DNAAF9: variants seen among roughly 807,000 people sequenced by gnomAD.
DNAAF9 encodes the protein dynein axonemal assembly factor 9, also known as shulin.
DNAAF9 carries 90 observed loss-of-function variants against 167.0 expected under a neutral mutation model. That is an observed-to-expected ratio of 0.54 (90% confidence interval 0.45 to 0.64). DNAAF9 has a LOEUF of 0.64. DNAAF9 is among the 30% of genes least tolerant of loss of function. The probability of loss-of-function intolerance (pLI) is 0.00; values close to 1 mark genes in which losing one functional copy is unlikely to be tolerated. For synonymous variants in DNAAF9, 491 were observed against 508.8 expected (o/e 0.96, Z 0.47); for missense variants, 1,315 against 1,442.2 (o/e 0.91, Z 1.43).
At chr20:3,314,132 G>A (rs2069460963) in intron 20 of DNAAF9, among the ~76,000 whole-genome samples, 1 of 152,176 alleles carries the variant, frequency 6.6e-6, no homozygotes, top group Non-Finnish European at 1.5e-5. Context: ...AGAGAACTAT[G>A]TTCAGGAGCT....
intron 36 of DNAAF9, 120 bp downstream of exon 36, chr20:3,253,606 C>G: frequency 1.4e-6 from 1 of 691,280 alleles, no homozygotes; most frequent in South Asian, 1.7e-5. Flanking sequence ...AGTGGACATG[C>G]AGAGTGCTCC....
intron 7 of DNAAF9, among the ~76,000 whole-genome samples, chr20:3,350,156 G>GACACACACACACACACACACAC (rs35251429): frequency 3.8e-4 from 34 of 89,952 alleles, no homozygotes; most frequent in Middle Eastern, 5.7e-3. Context: ...CAGACACACA[G>GACACACACACACACACACACAC]ACACACACAC....
rs199864301 is a variant in DNAAF9 at position 3,375,087 on chromosome 20, T to C, written c.448A>G (p.Ser150Gly). The C allele has an allele frequency of 1.6e-4, 252 of 1,612,348 alleles. No individual in the cohort carries two copies. The highest frequency in any genetic ancestry group is 2.0e-4 in the Non-Finnish European group (239 of 1,178,530). Residue 150 changes from serine to glycine, a missense_variant, in exon 5 of 37, where the codon AGC becomes GGC. Physicochemically the swap from Ser to Gly is moderately conservative, Grantham distance 56. Transcript: ENST00000252032. ...EEAAEEFKITSFVDMVRDCSR... is the reference protein window; with the variant it reads ...EEAAEEFKITGFVDMVRDCSR... Reference sequence around the variant, plus strand: ...CAGTCTCGAACCATGTCCACAAAGCTGGTAATTTTAAATTCTTCTGCGGCT... The same window carrying C: ...CAGTCTCGAACCATGTCCACAAAGCCGGTAATTTTAAATTCTTCTGCGGCT...
chr20:3,369,557 G>A (rs1251102588), intron 6 of DNAAF9, among the ~76,000 whole-genome samples: 2 of 151,866 alleles, frequency 1.3e-5, no homozygotes, highest in African/African-American at 2.4e-5. Context: ...TCTATTTTTA[G>A]TAGAGACGGG....
intron 13 of DNAAF9, among the ~76,000 whole-genome samples, chr20:3,325,883 GTT>G (rs11297064): frequency 3.6e-4 from 53 of 147,708 alleles, no homozygotes; most frequent in Middle Eastern, 3.5e-3. Context: ...TGTCTTTTTG[GTT>G]TTTTTTTTTT....
At chr20:3,259,894 T>C in intron 32 of DNAAF9, 28 bp downstream of exon 32, 1 of 1,295,326 alleles carries the variant, frequency 7.7e-7, no homozygotes, top group Non-Finnish European at 1.1e-6. Context: ...CTTTTTCCAG[T>C]GTCTAGGACA....
chr20:3,274,186 A>C lies in DNAAF9; in HGVS notation c.2651-3624T>G, dbSNP rs149767540. The stretch of plus-strand genomic sequence containing the variant: ...GAGACAGAGTCTCACTGGGTCACCC[A>C]GGCTGCAGTGTAGTGGTGTGATCTC... On this transcript the variant is annotated intron_variant, in intron 29 of 36. Coordinates refer to ENST00000252032, the MANE Select transcript of DNAAF9 (RefSeq NM_001009984.3). 8.9e-3 allele frequency among the ~76,000 whole-genome samples: 1,363 copies of C among 152,292 alleles called. 20 individuals are homozygous for C. The highest frequency in any genetic ancestry group is 0.031 in the African/African-American group (1,309 of 41,580).
Position 3,375,102 on chromosome 20 carries a change from C to A in DNAAF9, c.433G>T (p.Glu145Ter). 6.2e-7 allele frequency: 1 copy of A among 1,608,636 alleles called. No homozygotes were observed. Among genetic ancestry groups the A allele is most frequent in the Non-Finnish European group, 8.5e-7 (1 of 1,175,122 alleles). The change falls in exon 5 of 37, where the codon GAA becomes TAA. Residue 145 changes from glutamate to a stop codon, truncating the protein, a stop_gained. Coordinates refer to ENST00000252032, the MANE Select transcript of DNAAF9 (RefSeq NM_001009984.3). LOFTEE classifies it high-confidence loss of function. Reference protein sequence around the residue: ...NEYEDEEAAEEFKITSFVDMV... With the variant: ...NEYEDEEAAE ...TCCACAAAGCTGGTAATTTTAAATT[C>A]TTCTGCGGCTTCTTCATCTTCATAC...
intron 13 of DNAAF9, 84 bp from the exon 14 acceptor site, chr20:3,325,052 T>G: frequency 1.2e-6 from 1 of 804,718 alleles, no homozygotes. Flanking sequence ...CTCCTAACAC[T>G]TGTCCAGGAT....
chr20:3,359,066 G>T (rs1568626330), intron 7 of DNAAF9, among the ~76,000 whole-genome samples: 1 of 152,182 alleles, frequency 6.6e-6, no homozygotes, highest in African/African-American at 2.4e-5. Context: ...AGTTGCCACT[G>T]AGACCATAAG....
At chr20:3,259,776 C>T (rs1269037894) in intron 32 of DNAAF9, 146 bp downstream of exon 32, 3 of 672,976 alleles carry the variant, frequency 4.5e-6, no homozygotes, top group South Asian at 1.8e-5. Context: ...TGTGACCACC[C>T]ACAATCCTCA....
chr20:3,259,434 C>A, intron 33 of DNAAF9, 46 bp downstream of exon 33: 1 of 1,178,260 alleles, frequency 8.5e-7, no homozygotes, highest in South Asian at 1.2e-5. Flanking sequence ...TCATGAGATG[C>A]AAGCACTCCA....
chr20:3,282,240 T>C (rs2068775927), intron 27 of DNAAF9, among the ~76,000 whole-genome samples: 1 of 152,204 alleles, frequency 6.6e-6, no homozygotes, highest in South Asian at 2.1e-4. Context: ...TGGTATCTCC[T>C]GCCTGGAACT....
At chr20:3,350,853 C>T (rs1161627200) in intron 7 of DNAAF9, among the ~76,000 whole-genome samples, 1 of 152,006 alleles carries the variant, frequency 6.6e-6, no homozygotes, top group African/African-American at 2.4e-5. Context: ...ATAAACACAT[C>T]AAATATGTTT....
rs6139088 is a variant in DNAAF9, at chr20:3,348,416, G to T, written c.789+109C>A. Reference sequence around the variant, plus strand: ...GGTATACAACACAGCTTAAAGAAATGACAAATTAGAATTGATAGTGTTGTA... The same window carrying T: ...GGTATACAACACAGCTTAAAGAAATTACAAATTAGAATTGATAGTGTTGTA... On this transcript the variant is annotated intron_variant, in intron 8 of 36. Transcript: ENST00000252032. 9.1e-6 allele frequency: 5 copies of T among 551,848 alleles called. No homozygotes were observed. In the Admixed American group the frequency reaches 1.7e-4, roughly 18 times the overall value. The allele number at this position is 551,848 out of a possible 1,614,324, so 34.2% of individuals were successfully genotyped here. A position where few individuals can be genotyped will look rare whatever the true frequency, so the allele number is the denominator to read the frequency against.
intron 8 of DNAAF9, among the ~76,000 whole-genome samples, 161 bp downstream of exon 8, chr20:3,348,364 G>A (rs1396004361): frequency 2.6e-5 from 4 of 151,878 alleles, no homozygotes; most frequent in African/African-American, 9.7e-5. Context: ...TTTTATAAAG[G>A]GTTGGCATGG....
chr20:3,308,083 C>T (rs1600752334), intron 20 of DNAAF9, among the ~76,000 whole-genome samples: 2 of 152,104 alleles, frequency 1.3e-5, no homozygotes, highest in East Asian at 3.9e-4. Context: ...CCCTGGATGT[C>T]CTTCCTCAAT....
At chr20:3,356,154 ATTACAGGCATGT>A (rs1477247464) in intron 7 of DNAAF9, among the ~76,000 whole-genome samples, 3 of 152,136 alleles carry the variant, frequency 2.0e-5, no homozygotes, top group Non-Finnish European at 4.4e-5. Flanking sequence ...AGTAGCTGGG[ATTACAGGCATGT>A]GCCACAATGC....
At chr20:3,330,112 G>A (rs571185416) in intron 12 of DNAAF9, among the ~76,000 whole-genome samples, 2 of 152,350 alleles carry the variant, frequency 1.3e-5, no homozygotes, top group South Asian at 2.1e-4. Flanking sequence ...ATGCATGGGT[G>A]TGCAGGTAAG....
Sources: gnomAD v4.1 joint callset for allele counts (sites outside exome capture counted in the v4.1 genomes callset) on GRCh38, gnomAD v4.1.1 for gene constraint, MANE v1.5 for transcripts, NCBI Gene and HGNC (gene_info 2026-07-23, HGNC 2026-07-21) for gene names.